DHX9: variants seen among roughly 807,000 people sequenced by gnomAD.
DHX9 encodes ATP-dependent RNA helicase A.
A neutral mutation model predicts 148.7 loss-of-function variants in DHX9; 27 were observed. That is an observed-to-expected ratio of 0.18 (90% CI 0.13 to 0.25). The LOEUF (loss-of-function observed/expected upper bound fraction) is 0.25. Among genes scored for constraint, DHX9 ranks in the 10% least tolerant of loss-of-function variants. The pLI, the probability that DHX9 is intolerant of heterozygous loss-of-function variation, is 1.00. For missense variants in DHX9, 796 were observed against 1,559.6 expected (o/e 0.51, Z 8.25); for synonymous variants, 529 against 516.6 (o/e 1.02, Z -0.33).
chr1:182,865,827 A>G (rs1239563159), intron 12 of DHX9, among the ~76,000 whole-genome samples: 2 of 152,236 alleles, frequency 1.3e-5, no homozygotes, highest in African/African-American at 4.8e-5. Flanking sequence ...GACATGGAAC[A>G]CTTCAGAAGA....
intron 14 of DHX9, among the ~76,000 whole-genome samples, chr1:182,867,590 A>C (rs1333906825): frequency 6.6e-6 from 1 of 152,054 alleles, no homozygotes; most frequent in East Asian, 1.9e-4. Context: ...TTCAGTAAAG[A>C]CTGGGTTTCA....
rs879126123 is a variant in DHX9 at position 182,866,998 on chromosome 1, A to C, written c.1512A>C (p.Gly504=). The C allele has an allele frequency of 6.2e-7, 1 of 1,607,496 alleles. No homozygotes were observed. Among genetic ancestry groups the C allele is most frequent in the Non-Finnish European group, 8.5e-7 (1 of 1,178,520 alleles). ...GAAAATTAGAAGCAGGCATTCGAGG[A>C]ATCAGTCATGTAATTGTAGATGAAA... The part of the protein sequence containing the change: ...LLRKLEAGIR[G]ISHVIVDEIH... The change falls in exon 14 of 28, where the codon GGA becomes GGC. Residue 504 remains glycine, a synonymous_variant. Coordinates refer to ENST00000367549, the MANE Select transcript of DHX9 (RefSeq NM_001357.5).
chr1:182,852,854 A>G (rs1668179734), intron 4 of DHX9, among the ~76,000 whole-genome samples: 1 of 150,128 alleles, frequency 6.7e-6, no homozygotes, highest in South Asian at 2.1e-4. Flanking sequence ...TGTCTACCAT[A>G]TGGTAGATTA....
Position 182,839,409 on chromosome 1 carries a change from C to T in DHX9, c.-70C>T, listed in dbSNP as rs1667869410. ...TTTCTCTGTTGTCTCGGTAGAAGGC[C>T]AGAGTCACACACGGTCCTAAGAGCT... On this transcript the variant is annotated 5_prime_UTR_variant, in exon 1 of 28. It introduces an in-frame stop codon into an upstream open reading frame of the 5' UTR. Transcript: ENST00000367549. 2 of 152,554 alleles carry T rather than the reference C, an allele frequency of 1.3e-5. No homozygotes were observed. The highest frequency in any genetic ancestry group is 4.1e-4 in the South Asian group (2 of 4,924). 9.5% of individuals were successfully genotyped at this position (152,554 alleles called of 1,614,324 possible). A position where few individuals can be genotyped will look rare whatever the true frequency, so the allele number is the denominator to read the frequency against.
intron 5 of DHX9, 132 bp from the exon 6 acceptor site, chr1:182,853,898 C>T (rs1485684744): frequency 2.6e-6 from 2 of 764,594 alleles, no homozygotes; most frequent in Non-Finnish European, 4.1e-6. Context: ...CAGTTTTTGA[C>T]TAGGATTATA....
Position 182,866,564 on chromosome 1 carries a change from A to G in DHX9, c.1453A>G (p.Ser485Gly), listed in dbSNP as rs1648305298. 1 of 1,614,136 alleles carries G rather than the reference A, an allele frequency of 6.2e-7. No homozygotes were observed. The highest frequency in any genetic ancestry group is 1.3e-5 in the African/African-American group (1 of 75,054). ...FESILPRPHASIMFCTVGVLL... is the reference protein window; with the variant it reads ...FESILPRPHAGIMFCTVGVLL... ...GTCTATACTTCCTCGTCCTCATGCC[A>G]GTATAATGTTTTGTACTGTAGGTCA... The change falls in exon 13 of 28, where the codon AGT (serine) becomes GGT (glycine). Residue 485 changes from serine to glycine, a missense_variant. Ser to Gly is a moderately conservative substitution (Grantham distance 56, BLOSUM62 0). Around this residue, in one of 14 missense-constraint regions of DHX9, gnomAD observed 58 missense variants for 122.8 expected, o/e 0.47. Transcript: ENST00000367549.
chr1:182,882,812 C>G (rs1311978740), intron 24 of DHX9, among the ~76,000 whole-genome samples: 1 of 147,760 alleles, frequency 6.8e-6, no homozygotes, highest in Non-Finnish European at 1.5e-5. Flanking sequence ...TTGCAGTGAG[C>G]AGAGATGGCG....
intron 19 of DHX9, 30 bp from the exon 20 acceptor site, chr1:182,877,991 T>C: frequency 1.2e-6 from 2 of 1,612,954 alleles, no homozygotes; most frequent in Non-Finnish European, 1.7e-6. Flanking sequence ...TACACATGAG[T>C]CTTAGAATTA....
chr1:182,881,016 G>C (rs541532079), intron 22 of DHX9, among the ~76,000 whole-genome samples: 1 of 152,160 alleles, frequency 6.6e-6, no homozygotes, highest in Non-Finnish European at 1.5e-5. Context: ...GGGGAAGAGA[G>C]AATATAAAAG....
chr1:182,858,099 T>G lies in DHX9; in HGVS notation c.674-5T>G. The stretch of plus-strand genomic sequence containing the variant: ...CTGTCTGATAATCCTGACCTTACAT[T>G]ATAGGGATTTTTGCACGAGAACATG... On this transcript the variant is annotated splice_region_variant and splice_polypyrimidine_tract_variant and intron_variant, in intron 7 of 27. Coordinates refer to ENST00000367549, the MANE Select transcript of DHX9 (RefSeq NM_001357.5). 1.2e-6 allele frequency: 2 copies of G among 1,610,262 alleles called. No homozygotes were observed. Among genetic ancestry groups the G allele is most frequent in the Admixed American group, 1.7e-5 (1 of 59,280 alleles).
chr1:182,879,183 G>T, intron 20 of DHX9, 67 bp from the exon 21 acceptor site: 1 of 1,312,470 alleles, frequency 7.6e-7, no homozygotes, highest in Non-Finnish European at 1.0e-6. Flanking sequence ...TTACCTTGCT[G>T]CAAAAAGTTT....
intron 12 of DHX9, among the ~76,000 whole-genome samples, chr1:182,861,491 G>A (rs1464908038): frequency 6.6e-6 from 1 of 152,182 alleles, no homozygotes; most frequent in African/African-American, 2.4e-5. Flanking sequence ...GAAGCCTTGA[G>A]CTCAGCTCTG....
intron 16 of DHX9, 163 bp downstream of exon 16, chr1:182,875,117 A>T: frequency 1.5e-6 from 1 of 675,458 alleles, no homozygotes; most frequent in Non-Finnish European, 2.7e-6. Flanking sequence ...CTGCAAAAAA[A>T]TTCCAGGTTC....
At chr1:182,860,431 A>G (rs1040255016) in intron 12 of DHX9, 52 of 259,440 alleles carry the variant, frequency 2.0e-4, no homozygotes, top group Admixed American at 1.9e-3. Context: ...GCCTAGAATC[A>G]GACTGTCGAG....
intron 4 of DHX9, 39 bp downstream of exon 4, chr1:182,852,383 A>ATTG: frequency 7.2e-7 from 1 of 1,385,862 alleles, no homozygotes; most frequent in Non-Finnish European, 1.0e-6. Context: ...GGAGAATAAG[A>ATTG]TATACACAAT....
At chr1:182,872,608 AG>A (rs1338039291) in intron 15 of DHX9, 115 bp downstream of exon 15, 1 of 1,150,744 alleles carries the variant, frequency 8.7e-7, no homozygotes, top group Non-Finnish European at 1.2e-6. Context: ...GACAAATTAT[AG>A]TATCAAATGT....
At chr1:182,883,662 A>G (rs1649186072) in intron 26 of DHX9, 27 bp downstream of exon 26, 1 of 1,499,308 alleles carries the variant, frequency 6.7e-7, no homozygotes, top group South Asian at 1.1e-5. Flanking sequence ...GTGAACTCCA[A>G]ACTGAATTCT....
chr1:182,855,852 G>A (rs1668241531), intron 6 of DHX9: 1 of 587,288 alleles, frequency 1.7e-6, no homozygotes, highest in Admixed American at 6.3e-5. Flanking sequence ...GTTATCAAAG[G>A]GCAGTTTTTC....
Position 182,881,202 on chromosome 1 carries a change from C to T in DHX9, c.2625-62C>T, listed in dbSNP as rs369252198. 1.6e-5 allele frequency: 24 copies of T among 1,545,844 alleles called. No individual in the cohort carries two copies. In the African/African-American group the frequency reaches 2.5e-4, roughly 16 times the overall value. On this transcript the variant is annotated intron_variant, in intron 22 of 27. Coordinates refer to ENST00000367549, the MANE Select transcript of DHX9 (RefSeq NM_001357.5). ...CTGCAACCCACAGTCGACAGTCCTA[C>T]CTGAGCTGCTGGCAACAACATTGTG...
Sources: gnomAD v4.1 joint callset for allele counts (sites outside exome capture counted in the v4.1 genomes callset) on GRCh38, gnomAD v4.1.1 for gene constraint, gnomAD v4.1.1 regional missense constraint, MANE v1.5 for transcripts, NCBI Gene and HGNC (gene_info 2026-07-23, HGNC 2026-07-21) for gene names.